The following NTRK3 variants were observed in gnomAD, a reference collection of about 807,000 sequenced individuals.
NTRK3 encodes the protein NT-3 growth factor receptor.
A neutral mutation model predicts 91.7 loss-of-function variants in NTRK3; 24 were observed. The observed-to-expected ratio is 0.26, with a 90% CI of 0.19 to 0.37. The LOEUF (loss-of-function observed/expected upper bound fraction) is 0.37, where lower values mean the gene tolerates loss of function less well. Ranked by LOEUF, NTRK3 falls within the 10% of genes least tolerant of loss-of-function variation. The pLI, the probability that NTRK3 is intolerant of heterozygous loss-of-function variation, is 1.00. For synonymous variants in NTRK3, 483 were observed against 404.0 expected (o/e 1.20, Z -2.34); for missense variants, 880 against 1,068.9 (o/e 0.82, Z 2.46).
intron 13 of NTRK3, among the ~76,000 whole-genome samples, chr15:88,094,475 CAAAAAAAAAAA>C (rs10610101): frequency 4.0e-4 from 12 of 30,326 alleles, no homozygotes; most frequent in African/African-American, 1.0e-3. Flanking sequence ...GACTCCGTCT[CAAAAAAAAAAA>C]AAAAAAAAAA....
chr15:88,194,886 C>T (rs992773215), intron 3 of NTRK3, among the ~76,000 whole-genome samples: 2 of 152,186 alleles, frequency 1.3e-5, no homozygotes, highest in Non-Finnish European at 2.9e-5. Flanking sequence ...AGGACCTTCG[C>T]ATTTATTTTT....
chr15:88,150,091 T>C (rs1189462867), intron 5 of NTRK3, among the ~76,000 whole-genome samples: 1 of 152,162 alleles, frequency 6.6e-6, no homozygotes, highest in Non-Finnish European at 1.5e-5. Context: ...CTGCATCCAA[T>C]GGGCAGTTGG....
At chr15:87,884,705 C>T (rs1471909553) in intron 17 of NTRK3, among the ~76,000 whole-genome samples, 2 of 151,614 alleles carry the variant, frequency 1.3e-5, no homozygotes, top group Non-Finnish European at 1.5e-5. Context: ...CCTTGGGGAA[C>T]CTACTGTTAA....
chr15:88,009,909 A>G (rs1291719831), intron 14 of NTRK3, among the ~76,000 whole-genome samples: 1 of 152,186 alleles, frequency 6.6e-6, no homozygotes, highest in East Asian at 1.9e-4. Flanking sequence ...CTTCCAAACA[A>G]TATAGTGGAT....
rs1419056063 is a variant in NTRK3, at chr15:88,105,914, A to C, written c.1396+20357T>G. Among the ~76,000 whole-genome samples, 7 of 152,366 alleles carry C rather than the reference A, an allele frequency of 4.6e-5. No individual in the cohort carries two copies. The East Asian group carries it at 1.4e-3, about 29-fold the overall frequency. The stretch of plus-strand genomic sequence containing the variant: ...AGGACAGCAGAAGTTCAGAAAGTTT[A>C]AGTGACTCACCCAAATCAAAAAGAA... On this transcript the variant is annotated intron_variant, in intron 13 of 18. Coordinates refer to ENST00000394480, the Ensembl canonical transcript of NTRK3.
chr15:87,954,007 AGTGTGTGTGTGTGTGT>A lies in NTRK3; in HGVS notation c.1586-13270_1586-13255del, dbSNP rs61653896. ...TGCTCTGCTCCTGCCAGACCTTTTC[AGTGTGTGTGTGTGTGT>A]GTGTGTGTGTGTGTGTGTGTGTGTG... On this transcript the variant is annotated intron_variant, in intron 14 of 18. Transcript: ENST00000394480. Among the ~76,000 whole-genome samples the A allele has an allele frequency of 4.4e-3, 563 of 127,740 alleles. 7 individuals are homozygous for A. The highest frequency in any genetic ancestry group is 0.024 in the South Asian group (82 of 3,380). The allele number at this position is 127,740 out of a possible 152,430, so 83.8% of individuals were successfully genotyped here.
intron 13 of NTRK3, among the ~76,000 whole-genome samples, chr15:88,101,154 TCAAA>T (rs2050132706): frequency 6.6e-6 from 1 of 151,894 alleles, no homozygotes; most frequent in South Asian, 2.1e-4. Context: ...TATAATGAAC[TCAAA>T]CAAATTTACA....
rs1053620993 is a variant in NTRK3 at position 88,132,062 on chromosome 15, G to C, written c.1204+3039C>G. 9 of 191,696 alleles carry C rather than the reference G, an allele frequency of 4.7e-5. 1 individual carries two copies. Among genetic ancestry groups the C allele is most frequent in the African/African-American group, 2.1e-4 (9 of 43,018 alleles). 11.9% of individuals were successfully genotyped at this position (191,696 alleles called of 1,614,324 possible). On this transcript the variant is annotated intron_variant, in intron 10 of 18. Transcript: ENST00000394480. ...AATTAATCTTCACCACAACCTTTAAGGTAAAAGCAGGAAGGTGAAGCAATT... is the reference window on the plus strand; with the variant it reads ...AATTAATCTTCACCACAACCTTTAACGTAAAAGCAGGAAGGTGAAGCAATT...
At chr15:88,210,061 C>T (rs915146411) in intron 3 of NTRK3, 6 of 152,286 alleles carry the variant, frequency 3.9e-5, no homozygotes, top group African/African-American at 1.4e-4. Flanking sequence ...TGTAAATACC[C>T]TCTTCTATGT....
In NTRK3 at chr15:88,243,956, T is replaced by C. The variant is rs2052599498; in HGVS notation, c.248+11950A>G. ...GCACCTAGCAGTTGAAGGGGAGAAATTCTGCTAATGAAACCTCTGAAGCCA... is the reference window on the plus strand; with the variant it reads ...GCACCTAGCAGTTGAAGGGGAGAAACTCTGCTAATGAAACCTCTGAAGCCA... On this transcript the variant is annotated intron_variant, in intron 3 of 18. Transcript: ENST00000394480. This position sits in a 1 kb window ranked among gnomAD's most constrained non-coding sequence, Gnocchi z 4.8. Among the ~76,000 whole-genome samples the C allele has an allele frequency of 6.6e-6, 1 of 151,954 alleles. No homozygotes were observed. Among genetic ancestry groups the C allele is most frequent in the African/African-American group, 2.4e-5 (1 of 41,344 alleles).
At chr15:87,923,960 C>G (rs938999593) in intron 17 of NTRK3, among the ~76,000 whole-genome samples, 1 of 152,176 alleles carries the variant, frequency 6.6e-6, no homozygotes, top group Non-Finnish European at 1.5e-5. Context: ...CTTGAACTGC[C>G]TAGCCTCCAG....
intron 17 of NTRK3, among the ~76,000 whole-genome samples, chr15:87,890,376 T>A (rs1237733747): frequency 1.3e-5 from 2 of 152,166 alleles, no homozygotes; most frequent in African/African-American, 4.8e-5. Flanking sequence ...TAGCTGGAAA[T>A]CTTTTATAAA....
chr15:88,129,837 A>C (rs1424760323), intron 10 of NTRK3, among the ~76,000 whole-genome samples: 1 of 152,240 alleles, frequency 6.6e-6, no homozygotes, highest in Non-Finnish European at 1.5e-5. Context: ...CCATATACAG[A>C]AACTGTAACC....
chr15:88,172,886 G>A (rs887716191), intron 5 of NTRK3, among the ~76,000 whole-genome samples: 9 of 152,162 alleles, frequency 5.9e-5, no homozygotes, highest in Admixed American at 2.6e-4. Flanking sequence ...TGCCTCACAA[G>A]GGTACCAGGA....
chr15:88,121,644 C>T (rs527456604), intron 13 of NTRK3, among the ~76,000 whole-genome samples: 37 of 152,296 alleles, frequency 2.4e-4, no homozygotes, highest in Non-Finnish European at 3.5e-4. Context: ...GCCCTGAACC[C>T]CACAAGTACA....
At chr15:87,885,574 G>T in intron 17 of NTRK3, 120 bp downstream of exon 18, 1 of 502,104 alleles carries the variant, frequency 2.0e-6, no homozygotes, top group Non-Finnish European at 3.4e-6. Flanking sequence ...GAACAAACTA[G>T]AGAGTCCAGA....
intron 13 of NTRK3, among the ~76,000 whole-genome samples, chr15:88,061,690 C>T (rs1253939581): frequency 2.0e-5 from 3 of 152,226 alleles, no homozygotes; most frequent in African/African-American, 7.2e-5. Flanking sequence ...CGAACTCAGG[C>T]CAGAGCAGAC....
At chr15:88,107,641 C>A (rs1422658167) in intron 13 of NTRK3, among the ~76,000 whole-genome samples, 1 of 152,104 alleles carries the variant, frequency 6.6e-6, no homozygotes, top group Non-Finnish European at 1.5e-5. Context: ...CATTCCTGGT[C>A]TCTCAAGAGC....
At chr15:87,932,687 C>T (rs570457564) in intron 16 of NTRK3, among the ~76,000 whole-genome samples, 93 of 152,236 alleles carry the variant, frequency 6.1e-4, no homozygotes, top group Admixed American at 1.5e-3. Context: ...GAAGGGTGGC[C>T]CTAGAATCTT....
Sources: gnomAD v4.1 joint callset for allele counts (sites outside exome capture counted in the v4.1 genomes callset) on GRCh38, gnomAD v4.1.1 for gene constraint, Gnocchi (gnomAD v3.1) non-coding constraint, MANE v1.5 for transcripts, NCBI Gene and HGNC (gene_info 2026-07-23, HGNC 2026-07-21) for gene names.